The following NAALADL2 variants were observed in gnomAD, a reference collection of about 807,000 sequenced individuals.
NAALADL2 encodes the protein inactive N-acetylated-alpha-linked acidic dipeptidase-like protein 2.
Under a neutral mutation model 87.2 loss-of-function variants are expected in NAALADL2, and 76 were observed. The observed-to-expected ratio is 0.87, with a 90% confidence interval of 0.72 to 1.05. NAALADL2 has a LOEUF of 1.05. Ranked by LOEUF, NAALADL2 falls within the 50% of genes least tolerant of loss-of-function variation. The pLI is 0.00. For missense variants in NAALADL2, 1,089 were observed against 945.8 expected, an observed-to-expected ratio of 1.15 and a Z score of -1.99; for synonymous variants, 354 against 331.0, an observed-to-expected ratio of 1.07 and a Z score of -0.75.
intron 13 of NAALADL2, among the ~76,000 whole-genome samples, chr3:175,799,458 A>G (rs1047223579): frequency 1.3e-5 from 2 of 152,062 alleles, no homozygotes; most frequent in African/African-American, 2.4e-5. Flanking sequence ...GTTTGTTTGA[A>G]TAGTAGATTA....
At chr3:174,541,315 T>C (rs756967670) in intron 1 of NAALADL2, among the ~76,000 whole-genome samples, 4 of 152,216 alleles carry the variant, frequency 2.6e-5, no homozygotes, top group East Asian at 1.9e-4. Flanking sequence ...TTGATTGCCA[T>C]ATATCTGAAT....
Position 175,335,612 on chromosome 3 carries a change from T to C in NAALADL2, c.1090+11287T>C, listed in dbSNP as rs565655540. Among the ~76,000 whole-genome samples the C allele has an allele frequency of 2.0e-5, 3 of 152,344 alleles. No homozygotes were observed. In the South Asian group the frequency reaches 6.2e-4, roughly 32 times the overall value. ...CTCTGAAGAGTTTTTGAATTTTAAG[T>C]ATGTAAAAATAAATCTTGTAATGCC... On this transcript the variant is annotated intron_variant, in intron 5 of 13. Transcript: ENST00000454872.
chr3:175,725,407 A>G (rs1385517821), intron 11 of NAALADL2, among the ~76,000 whole-genome samples: 1 of 152,148 alleles, frequency 6.6e-6, no homozygotes, highest in African/African-American at 2.4e-5. Flanking sequence ...GTTTTACTTC[A>G]TAAATCTCTA....
At chr3:174,922,925 A>C (rs1320923085) in intron 1 of NAALADL2, among the ~76,000 whole-genome samples, 1 of 152,186 alleles carries the variant, frequency 6.6e-6, no homozygotes, top group African/African-American at 2.4e-5. Context: ...GTGAAGCAGA[A>C]GTCTTCAACG....
chr3:175,012,733 T>C (rs747280375), intron 1 of NAALADL2, among the ~76,000 whole-genome samples: 11 of 151,914 alleles, frequency 7.2e-5, no homozygotes, highest in Admixed American at 2.6e-4. Flanking sequence ...TGAGTAGTTG[T>C]GACGGGGAAC....
chr3:174,785,594 T>C (rs916139750), intron 3 of NAALADL2, among the ~76,000 whole-genome samples: 1 of 152,078 alleles, frequency 6.6e-6, no homozygotes, highest in Non-Finnish European at 1.5e-5. Context: ...CAAATAAATA[T>C]TGCTTTGTCT....
intron 1 of NAALADL2, among the ~76,000 whole-genome samples, chr3:174,479,770 T>C (rs1265639414): frequency 1.3e-5 from 2 of 152,142 alleles, no homozygotes; most frequent in Non-Finnish European, 2.9e-5. Flanking sequence ...CTTTGTGTTA[T>C]TTATTGTGGA....
At chr3:175,197,272 C>G (rs1270797111) in intron 2 of NAALADL2, among the ~76,000 whole-genome samples, 3 of 151,906 alleles carry the variant, frequency 2.0e-5, no homozygotes, top group African/African-American at 7.3e-5. Flanking sequence ...CGCGTAGAGT[C>G]CGTAAGCTTT....
At chr3:174,781,317 T>A (rs1309741693) in intron 3 of NAALADL2, among the ~76,000 whole-genome samples, 1 of 151,912 alleles carries the variant, frequency 6.6e-6, no homozygotes, top group Non-Finnish European at 1.5e-5. Flanking sequence ...TGAATTCGAA[T>A]GTTGGCCTGT....
intron 2 of NAALADL2, among the ~76,000 whole-genome samples, chr3:174,736,241 G>A (rs1228103968): frequency 3.3e-5 from 5 of 152,082 alleles, no homozygotes; most frequent in Admixed American, 2.6e-4. Flanking sequence ...GCAATGTGGC[G>A]AGCAAGGGGC....
chr3:175,165,564 G>GT (rs1315459520), intron 2 of NAALADL2, among the ~76,000 whole-genome samples: 4 of 152,126 alleles, frequency 2.6e-5, no homozygotes, highest in Non-Finnish European at 5.9e-5. Flanking sequence ...TATAATGGTG[G>GT]TAAGACCATA....
At chr3:174,753,993 A>G (rs1183003910) in intron 3 of NAALADL2, among the ~76,000 whole-genome samples, 2 of 152,158 alleles carry the variant, frequency 1.3e-5, no homozygotes, top group Non-Finnish European at 2.9e-5. Flanking sequence ...CCAGGAACCC[A>G]ATTATGCTGA....
At chr3:175,499,421 CAAAT>C (rs148666102) in intron 9 of NAALADL2, among the ~76,000 whole-genome samples, 15,636 of 151,816 alleles carry the variant, frequency 0.1, 944 homozygotes, top group East Asian at 0.24. Flanking sequence ...AAAAATTAAA[CAAAT>C]AAACATATAA....
At chr3:175,686,101 G>C (rs1249777462) in intron 11 of NAALADL2, among the ~76,000 whole-genome samples, 17 of 152,064 alleles carry the variant, frequency 1.1e-4, no homozygotes, top group Admixed American at 1.0e-3. Flanking sequence ...ATGTCTAATG[G>C]TTCCTCATCC....
At chr3:175,014,460 A>G (rs2108830525) in intron 1 of NAALADL2, among the ~76,000 whole-genome samples, 1 of 152,284 alleles carries the variant, frequency 6.6e-6, no homozygotes, top group Non-Finnish European at 1.5e-5. Context: ...CTTTTAGCTC[A>G]AAATGTTTTT....
Position 175,059,072 on chromosome 3 carries a change from T to C in NAALADL2, c.44-37718T>C, listed in dbSNP as rs552264845. On this transcript the variant is annotated intron_variant, in intron 1 of 13. Transcript: ENST00000454872. ...AAAATGCTTGGCCCAAGAAATATTG[T>C]TATTAACCTTTTTAAGTAAAATAAT... is the stretch of plus-strand genomic sequence containing the variant. Among the ~76,000 whole-genome samples the C allele has an allele frequency of 3.3e-5, 5 of 152,342 alleles. No individual in the cohort carries two copies. In the South Asian group the frequency reaches 8.3e-4, roughly 25 times the overall value.
At chr3:175,160,280 G>C (rs1732955459) in intron 2 of NAALADL2, among the ~76,000 whole-genome samples, 1 of 150,606 alleles carries the variant, frequency 6.6e-6, no homozygotes, top group South Asian at 2.1e-4. Flanking sequence ...TGTTTTACAA[G>C]GGGCTAAATA....
chr3:175,041,999 G>T (rs1403488188), intron 1 of NAALADL2, among the ~76,000 whole-genome samples: 4 of 152,102 alleles, frequency 2.6e-5, no homozygotes, highest in Non-Finnish European at 5.9e-5. Context: ...ACTATAGTCA[G>T]CATGCTGTAC....
At chr3:175,098,161 C>T (rs554441072) in intron 2 of NAALADL2, among the ~76,000 whole-genome samples, 3 of 152,200 alleles carry the variant, frequency 2.0e-5, no homozygotes, top group Non-Finnish European at 4.4e-5. Context: ...GTTTCCTATA[C>T]CCTTCTGTGT....
Sources: allele counts gnomAD v4.1 joint callset (sites outside exome capture counted in the v4.1 genomes callset), GRCh38; gene constraint gnomAD v4.1.1; transcripts MANE v1.5; gene names NCBI Gene and HGNC (gene_info 2026-07-23, HGNC 2026-07-21).